KLHL31: variants seen among roughly 807,000 people sequenced by gnomAD.
KLHL31 encodes kelch like family member 31, also known as kelch-like protein 31.
KLHL31 carries 32 observed loss-of-function variants against 47.1 expected under a neutral mutation model. That is an observed-to-expected ratio of 0.68 (90% CI 0.51 to 0.91). The LOEUF is 0.91. Among genes scored for constraint, KLHL31 ranks in the 40% least tolerant of loss-of-function variants. KLHL31 has a pLI of 0.00. For missense variants in KLHL31, 797 were observed against 819.3 expected (o/e 0.97, Z 0.33); for synonymous variants, 330 against 325.1 (o/e 1.01, Z -0.16).
intron 2 of KLHL31, 160 bp from the exon 3 acceptor site, chr6:53,652,490 G>T: frequency 1.3e-6 from 1 of 797,254 alleles, no homozygotes; most frequent in Non-Finnish European, 2.0e-6. Context: ...CTCTCAGCCA[G>T]TAAAAATGTG....
chr6:53,657,996 C>T (rs892581931), intron 1 of KLHL31, among the ~76,000 whole-genome samples: 1 of 152,096 alleles, frequency 6.6e-6, no homozygotes, highest in Non-Finnish European at 1.5e-5. Context: ...ATTATGAACC[C>T]TCTATCATTT....
At chr6:53,653,328 A>G (rs1054653490) in intron 2 of KLHL31, among the ~76,000 whole-genome samples, 6 of 152,244 alleles carry the variant, frequency 3.9e-5, no homozygotes, top group African/African-American at 1.4e-4. Context: ...ACATAATGGA[A>G]TAATAAAGTA....
Position 53,650,804 on chromosome 6 carries a change from A to G in KLHL31, c.*794T>C, listed in dbSNP as rs1764452147. On this transcript the variant is annotated 3_prime_UTR_variant, in exon 3 of 3. Coordinates refer to ENST00000370905, the MANE Select transcript of KLHL31 (RefSeq NM_001003760.5). ...ATAGAGGACAAGGGATAAAATGCAA[A>G]TCCTTCTAGTTGAAACAACCAAATG... The G allele has an allele frequency of 6.6e-6, 1 of 152,166 alleles. No individual in the cohort carries two copies. The highest frequency in any genetic ancestry group is 1.9e-4 in the East Asian group (1 of 5,192). 9.4% of individuals were successfully genotyped at this position (152,166 alleles called of 1,614,324 possible).
rs778290884 is a variant in KLHL31, at chr6:53,654,198, A to T, written c.1075T>A (p.Cys359Ser). The T allele has an allele frequency of 6.2e-6, 10 of 1,614,112 alleles. No individual in the cohort carries two copies. The highest frequency in any genetic ancestry group is 8.5e-6 in the Non-Finnish European group (10 of 1,180,020). ...AGAAATCCATCCATCACAGCCACAC[A>T]CTGATTAAAACTTTTGGCTGGCATT... Reference protein sequence around the residue: ...TEMPAKSFNQCVAVMDGFLYV... With the variant: ...TEMPAKSFNQSVAVMDGFLYV... Residue 359 changes from cysteine to serine, a missense_variant, in exon 2 of 3, where the codon TGT (cysteine) becomes AGT (serine). By Grantham distance (112) the Cys-to-Ser change is moderately radical (BLOSUM62 -1). Transcript: ENST00000370905.
At chr6:53,657,610 T>TTGTGTG (rs57566339) in intron 1 of KLHL31, among the ~76,000 whole-genome samples, 11,759 of 138,640 alleles carry the variant, frequency 0.085, 587 homozygotes, top group East Asian at 0.15. Context: ...TGTTTTTGTT[T>TTGTGTG]TGTGTGTGTG....
Position 53,648,526 on chromosome 6 carries a change from G to C in KLHL31, c.*3072C>G, listed in dbSNP as rs1234678385. 1 of 152,124 alleles carries C rather than the reference G, an allele frequency of 6.6e-6. No individual in the cohort carries two copies. The highest frequency in any genetic ancestry group is 2.1e-4 in the South Asian group (1 of 4,822). The allele number at this position is 152,124 out of a possible 1,614,324, so 9.4% of individuals were successfully genotyped here. A position where few individuals can be genotyped will look rare whatever the true frequency, so the allele number is the denominator to read the frequency against. On this transcript the variant is annotated 3_prime_UTR_variant, in exon 3 of 3. Transcript: ENST00000370905. ...TAAACCTCTATTTACATGTGTATTT[G>C]TAAAATACACTTACTACAACTGCTG...
At chr6:53,657,394 T>C (rs956912776) in intron 1 of KLHL31, among the ~76,000 whole-genome samples, 1 of 152,236 alleles carries the variant, frequency 6.6e-6, no homozygotes, top group Non-Finnish European at 1.5e-5. Flanking sequence ...AGAAAACTTA[T>C]ATCAAACAGG....
At chr6:53,665,042 C>CA (rs761213462) in intron 1 of KLHL31, among the ~76,000 whole-genome samples, 1 of 148,578 alleles carries the variant, frequency 6.7e-6, no homozygotes, top group Non-Finnish European at 1.5e-5. Context: ...AGCCAAATAA[C>CA]AAATTTTTTT....
rs73741361 is a variant in KLHL31, at chr6:53,662,008, C to T, written c.-34+3593G>A. On this transcript the variant is annotated intron_variant, in intron 1 of 2. Coordinates refer to ENST00000370905, the MANE Select transcript of KLHL31 (RefSeq NM_001003760.5). ...CTCTCTCTCTCTTTTTTCTTTTTAA[C>T]GGAGTGAAGGTCTTATTGTCAGCTG... 6.2e-3 allele frequency among the ~76,000 whole-genome samples: 940 copies of T among 151,708 alleles called. 22 individuals are homozygous for T. The highest frequency in any genetic ancestry group is 0.022 in the African/African-American group (894 of 41,338).
rs1017508167 is a variant in KLHL31, at chr6:53,649,694, T to C, written c.*1904A>G. 2.0e-5 allele frequency: 3 copies of C among 152,178 alleles called. No homozygotes were observed. Among genetic ancestry groups the C allele is most frequent in the Admixed American group, 6.5e-5 (1 of 15,280 alleles). The allele number at this position is 152,178 out of a possible 1,614,324, so 9.4% of individuals were successfully genotyped here. A position where few individuals can be genotyped will look rare whatever the true frequency, so the allele number is the denominator to read the frequency against. On this transcript the variant is annotated 3_prime_UTR_variant, in exon 3 of 3. Transcript: ENST00000370905. ...TTGGTGTGCATCAAGGAATTACATCTATTCACTCACTTATGATCTGTAACC... is the reference window on the plus strand; with the variant it reads ...TTGGTGTGCATCAAGGAATTACATCCATTCACTCACTTATGATCTGTAACC...
Position 53,651,955 on chromosome 6 carries a change from G to T in KLHL31, c.1548C>A (p.Tyr516Ter), listed in dbSNP as rs1334957117. 6.3e-7 allele frequency: 1 copy of T among 1,592,940 alleles called. No homozygotes were observed. Among genetic ancestry groups the T allele is most frequent in the African/African-American group, 1.3e-5 (1 of 74,780 alleles). Reference sequence around the variant, plus strand: ...GCCCCAGCTGGCTGCCGCCCATCACGTACACTCTGTCGCTCAGCGTGACCG... The same window carrying T: ...GCCCCAGCTGGCTGCCGCCCATCACTTACACTCTGTCGCTCAGCGTGACCG... ...HCAVTLSDRV[Y>*]VMGGSQLGPR... The change falls in exon 3 of 3, where the codon TAC becomes TAA. Residue 516 changes from tyrosine (Y) to a stop codon, truncating the protein, a stop_gained. Transcript: ENST00000370905. LOFTEE classifies it high-confidence loss of function.
In KLHL31 at chr6:53,648,573, C is replaced by G. The variant is rs1335898952; in HGVS notation, c.*3025G>C. The stretch of plus-strand genomic sequence containing the variant: ...GCTGCTTTACCTTAAATCATAGAAC[C>G]ATTCAGTACTCACTTCCTCATGACA... On this transcript the variant is annotated 3_prime_UTR_variant, in exon 3 of 3. Transcript: ENST00000370905. 2.6e-5 allele frequency: 4 copies of G among 152,038 alleles called. No individual in the cohort carries two copies. The highest frequency in any genetic ancestry group is 9.7e-5 in the African/African-American group (4 of 41,386). The allele number at this position is 152,038 out of a possible 1,614,324, so 9.4% of individuals were successfully genotyped here.
At chr6:53,655,450 A>T in intron 1 of KLHL31, 145 bp from the exon 2 acceptor site, 1 of 502,836 alleles carries the variant, frequency 2.0e-6, no homozygotes, top group East Asian at 3.1e-5. Flanking sequence ...GACATATTAA[A>T]CTAGATGTAC....
intron 1 of KLHL31, 72 bp from the exon 2 acceptor site, chr6:53,655,377 AC>A: frequency 1.5e-6 from 1 of 677,706 alleles, no homozygotes; most frequent in Non-Finnish European, 2.3e-6. Flanking sequence ...ACATTGAGAA[AC>A]TTTTTCAAAA....
chr6:53,654,274 G>T lies in KLHL31; in HGVS notation c.999C>A (p.Ser333Arg), dbSNP rs770015190. The stretch of plus-strand genomic sequence containing the variant: ...CAGGGTCTCTATACAAGATGTCTCT[G>T]CTAAGGGACTTCTCAGTAAGGCCTG... ...GRPGLTEKSL[S>R]RDILYRDPEN... Residue 333 changes from serine to arginine, a missense_variant, in exon 2 of 3, where the codon AGC becomes AGA. Physicochemically the swap from Ser to Arg is moderately radical, Grantham distance 110. Transcript: ENST00000370905. The T allele has an allele frequency of 6.2e-7, 1 of 1,614,190 alleles. No homozygotes were observed. Among genetic ancestry groups the T allele is most frequent in the Admixed American group, 1.7e-5 (1 of 60,020 alleles).
In KLHL31 at chr6:53,652,176, T is replaced by C. The variant is rs1487079993; in HGVS notation, c.1327A>G (p.Thr443Ala). The C allele has an allele frequency of 6.2e-7, 1 of 1,609,616 alleles. No homozygotes were observed. Among genetic ancestry groups the C allele is most frequent in the Non-Finnish European group, 8.5e-7 (1 of 1,179,824 alleles). Residue 443 changes from threonine (T) to alanine (A), a missense_variant, in exon 3 of 3, where the codon ACC becomes GCC. Coordinates refer to ENST00000370905, the MANE Select transcript of KLHL31 (RefSeq NM_001003760.5). ...LASLECYVPSTNQWQPKTPLE... is the reference protein window; with the variant it reads ...LASLECYVPSANQWQPKTPLE... Reference sequence around the variant, plus strand: ...GGCGTCTTCGGCTGCCACTGATTGGTGGAGGGCACGTAGCACTCCAGCGAG... The same window carrying C: ...GGCGTCTTCGGCTGCCACTGATTGGCGGAGGGCACGTAGCACTCCAGCGAG...
intron 1 of KLHL31, among the ~76,000 whole-genome samples, chr6:53,662,485 G>A (rs551693738): frequency 6.6e-6 from 1 of 152,196 alleles, no homozygotes; most frequent in African/African-American, 2.4e-5. Context: ...TGCACAGGAT[G>A]CAGAGGGTTG....
intron 1 of KLHL31, among the ~76,000 whole-genome samples, chr6:53,660,358 T>G (rs1394463175): frequency 1.3e-5 from 2 of 152,212 alleles, no homozygotes; most frequent in Non-Finnish European, 2.9e-5. Context: ...TACTGAAAAC[T>G]TATAGATAGA....
intron 1 of KLHL31, among the ~76,000 whole-genome samples, chr6:53,655,688 C>A (rs1764551169): frequency 6.6e-6 from 1 of 151,438 alleles, no homozygotes; most frequent in Non-Finnish European, 1.5e-5. Flanking sequence ...CTCACTGCAA[C>A]CTCTGCCTCC....
Sources: allele counts gnomAD v4.1 joint callset (sites outside exome capture counted in the v4.1 genomes callset), GRCh38; gene constraint gnomAD v4.1.1; transcripts MANE v1.5; gene names NCBI Gene and HGNC (gene_info 2026-07-23, HGNC 2026-07-21).